Variants in TJP3 observed in about 807,000 individuals in gnomAD.
TJP3 encodes tight junction protein ZO-3.
TJP3 carries 85 observed loss-of-function variants against 104.2 expected under a neutral mutation model. That is an observed-to-expected ratio of 0.82 (90% CI 0.68 to 0.98). The LOEUF (loss-of-function observed/expected upper bound fraction) is 0.98. Ranked by LOEUF, TJP3 falls within the 50% of genes least tolerant of loss-of-function variation. TJP3 has a pLI of 0.00. For missense variants in TJP3, 1,367 were observed against 1,322.8 expected (o/e 1.03, Z -0.52); for synonymous variants, 550 against 550.6 (o/e 1.00, Z 0.02).
chr19:3,710,981 G>A (rs988623924), intron 1 of TJP3, among the ~76,000 whole-genome samples: 1 of 151,892 alleles, frequency 6.6e-6, no homozygotes, highest in African/African-American at 2.4e-5. Flanking sequence ...TCGGCTCACT[G>A]CAAGCTCCGC....
chr19:3,721,516 G>T (rs577659361), intron 1 of TJP3: 4 of 173,680 alleles, frequency 2.3e-5, no homozygotes, highest in Non-Finnish European at 4.9e-5. Flanking sequence ...AAGCGCGGGG[G>T]TTATTCCTGC....
chr19:3,740,973 C>G (rs558363928), intron 14 of TJP3, among the ~76,000 whole-genome samples: 90 of 152,242 alleles, frequency 5.9e-4, no homozygotes, highest in African/African-American at 2.1e-3. Flanking sequence ...GACTACATCT[C>G]TACCTCAAAT....
In TJP3 at chr19:3,735,489, G is replaced by T. The variant is rs537916685; in HGVS notation, c.987-77G>T. On this transcript the variant is annotated intron_variant, in intron 8 of 20. Transcript: ENST00000541714. Reference sequence around the variant, plus strand: ...GCTAGGATTACAGGCATGAACCACCGTGCCCGGCCTAAAATTCTTTTTAAA... The same window carrying T: ...GCTAGGATTACAGGCATGAACCACCTTGCCCGGCCTAAAATTCTTTTTAAA... The T allele has an allele frequency of 2.2e-5, 32 of 1,452,600 alleles. No individual in the cohort carries two copies. In the South Asian group the frequency reaches 2.6e-4, roughly 12 times the overall value. The allele number at this position is 1,452,600 out of a possible 1,614,324, so 90.0% of individuals were successfully genotyped here.
chr19:3,715,178 C>T (rs2145663679), intron 1 of TJP3, among the ~76,000 whole-genome samples: 1 of 151,948 alleles, frequency 6.6e-6, no homozygotes, highest in South Asian at 2.1e-4. Context: ...CAACCTCCGC[C>T]TCCCGGGTTC....
At position 3,747,020 on chromosome 19, in the gene TJP3, G is replaced by A. The variant is rs554924096; in HGVS notation, c.2322+144G>A. Reference sequence around the variant, plus strand: ...AGAGTCAAGATGGGACCTGAGACAAGGGTGTTGGACTGGAACTTGGGTGAG... The same window carrying A: ...AGAGTCAAGATGGGACCTGAGACAAAGGTGTTGGACTGGAACTTGGGTGAG... On this transcript the variant is annotated intron_variant, in intron 18 of 20. Transcript: ENST00000541714. The A allele has an allele frequency of 9.1e-5, 70 of 765,058 alleles. No homozygotes were observed. The African/African-American group carries it at 1.1e-3, about 12-fold the overall frequency. 47.4% of individuals were successfully genotyped at this position (765,058 alleles called of 1,614,324 possible).
At chr19:3,708,991 T>A (rs887575652) in intron 1 of TJP3, among the ~76,000 whole-genome samples, 2 of 152,056 alleles carry the variant, frequency 1.3e-5, no homozygotes, top group African/African-American at 4.8e-5. Flanking sequence ...CTGAGCCTCC[T>A]GGAACTTCTT....
intron 14 of TJP3, among the ~76,000 whole-genome samples, chr19:3,741,849 A>G (rs1003316502): frequency 6.6e-6 from 1 of 151,258 alleles, no homozygotes; most frequent in Non-Finnish European, 1.5e-5. Flanking sequence ...AGGTGCCTAT[A>G]ATCCCAGCTA....
intron 20 of TJP3, 21 bp downstream of exon 20, chr19:3,750,205 A>AC: frequency 1.9e-6 from 3 of 1,556,382 alleles, no homozygotes; most frequent in Non-Finnish European, 2.6e-6. Context: ...CATATTCCAG[A>AC]TTGGGGCCCT....
intron 1 of TJP3, among the ~76,000 whole-genome samples, chr19:3,719,626 C>T (rs1466248165): frequency 3.3e-5 from 5 of 150,778 alleles, no homozygotes; most frequent in Admixed American, 6.7e-5. Flanking sequence ...GTCCCAGCTA[C>T]TCGGGAGGCT....
chr19:3,727,391 G>T (rs376777908), intron 1 of TJP3, among the ~76,000 whole-genome samples: 22 of 150,870 alleles, frequency 1.5e-4, no homozygotes, highest in African/African-American at 4.6e-4. Context: ...GCTGAGGCAG[G>T]AGAATCACTT....
intron 19 of TJP3, chr19:3,749,652 G>T: frequency 6.4e-6 from 1 of 156,756 alleles, no homozygotes. Flanking sequence ...AGCTGTAGTT[G>T]GGTGTTTAAC....
At chr19:3,710,287 G>GTCC (rs35450580) in intron 1 of TJP3, among the ~76,000 whole-genome samples, 108,557 of 151,682 alleles carry the variant, frequency 0.72, 39,211 homozygotes, top group East Asian at 1. Context: ...CCGAATCGGA[G>GTCC]TCTGGTCTCA....
At chr19:3,731,277 C>A (rs1175094357) in intron 5 of TJP3, among the ~76,000 whole-genome samples, 5 of 152,146 alleles carry the variant, frequency 3.3e-5, no homozygotes, top group African/African-American at 1.2e-4. Flanking sequence ...GAGTGAAGGA[C>A]CCTGAGCTCA....
chr19:3,739,306 A>T (rs774991985), intron 13 of TJP3, among the ~76,000 whole-genome samples, 172 bp downstream of exon 13: 14 of 152,202 alleles, frequency 9.2e-5, no homozygotes, highest in Middle Eastern at 3.2e-3. Flanking sequence ...CCTGGGCAAC[A>T]TGGTGAAACC....
In TJP3 at chr19:3,746,703, G is replaced by A; in HGVS notation, c.2221+8G>A. ...GCAGCCACCTCTTCACAGGTTGGGG[G>A]GTGGGTGTCCCAGGGTAGGCGGGTG... On this transcript the variant is annotated splice_region_variant and intron_variant, in intron 17 of 20. Coordinates refer to ENST00000541714, the MANE Select transcript of TJP3 (RefSeq NM_001267560.2). This position sits in a 1 kb window ranked among gnomAD's most constrained non-coding sequence, Gnocchi z 4.1. 3.1e-6 allele frequency: 5 copies of A among 1,608,520 alleles called. No individual in the cohort carries two copies. Among genetic ancestry groups the A allele is most frequent in the Non-Finnish European group, 4.2e-6 (5 of 1,177,516 alleles).
Position 3,739,005 on chromosome 19 carries a change from T to C in TJP3, c.1502T>C (p.Val501Ala), listed in dbSNP as rs1349406986. 1 of 1,612,974 alleles carries C rather than the reference T, an allele frequency of 6.2e-7. No individual in the cohort carries two copies. The highest frequency in any genetic ancestry group is 8.5e-7 in the Non-Finnish European group (1 of 1,179,848). Residue 501 changes from valine to alanine, a missense_variant, in exon 13 of 21, where the codon GTC becomes GCC. By Grantham distance (64) the Val-to-Ala change is moderately conservative (BLOSUM62 0). Transcript: ENST00000541714. The part of the protein sequence containing the change: ...PSGLGFTRGD[V>A]FHVLDTLHPG... ...GGCCTGGGCTTCACCCGTGGCGACG[T>C]CTTCCACGTGCTGGACACGCTGCAC...
intron 1 of TJP3, among the ~76,000 whole-genome samples, chr19:3,715,336 G>A (rs913172774): frequency 6.6e-6 from 1 of 152,184 alleles, no homozygotes; most frequent in South Asian, 2.1e-4. Flanking sequence ...TGATCCGCCC[G>A]CCTCGGCCTC....
chr19:3,747,960 A>G lies in TJP3; in HGVS notation c.2489A>G (p.Tyr830Cys). 1 of 1,612,926 alleles carries G rather than the reference A, an allele frequency of 6.2e-7. No individual in the cohort carries two copies. The highest frequency in any genetic ancestry group is 2.2e-5 in the East Asian group (1 of 44,858). ...EGYTDGEGGP[Y>C]TDVDDEPPAP... ...TACACAGACGGCGAGGGGGGGCCCT[A>G]CACGGATGTGGATGATGAGCCCCCG... is the stretch of plus-strand genomic sequence containing the variant. Residue 830 changes from tyrosine (Y) to cysteine (C), a missense_variant, in exon 19 of 21, where the codon TAC becomes TGC. Transcript: ENST00000541714.
At chr19:3,735,989 C>T (rs2036734002) in intron 10 of TJP3, 54 bp downstream of exon 10, 1 of 1,605,860 alleles carries the variant, frequency 6.2e-7, no homozygotes, top group African/African-American at 1.3e-5. Flanking sequence ...TCCCAGGCTG[C>T]CTCCCTCATC....
Sources: gnomAD v4.1 joint callset for allele counts (sites outside exome capture counted in the v4.1 genomes callset) on GRCh38, gnomAD v4.1.1 for gene constraint, Gnocchi (gnomAD v3.1) non-coding constraint, MANE v1.5 for transcripts, NCBI Gene and HGNC (gene_info 2026-07-23, HGNC 2026-07-21) for gene names.